The following LGI1 variants were observed in gnomAD, a reference collection of about 807,000 sequenced individuals.
LGI1 encodes leucine rich glioma inactivated 1.
A neutral mutation model predicts 57.7 loss-of-function variants in LGI1; 11 were observed. That is an observed-to-expected ratio of 0.19 (90% CI 0.12 to 0.32). The LOEUF is 0.32. LGI1 is among the 10% of genes least tolerant of loss of function. The pLI, the probability that LGI1 is intolerant of heterozygous loss-of-function variation, is 1.00. For missense variants in LGI1, 422 were observed against 661.9 expected (o/e 0.64, Z 3.98); for synonymous variants, 222 against 241.9 (o/e 0.92, Z 0.76).
At chr10:93,761,011 T>C (rs975952629) in intron 2 of LGI1, among the ~76,000 whole-genome samples, 5 of 152,204 alleles carry the variant, frequency 3.3e-5, no homozygotes, top group African/African-American at 1.2e-4. Context: ...CTGAAGACTC[T>C]GCTCTCCATC....
chr10:93,790,001 G>A, intron 4 of LGI1, 98 bp from the exon 5 acceptor site: 2 of 1,185,710 alleles, frequency 1.7e-6, no homozygotes, highest in Non-Finnish European at 2.4e-6. Context: ...TTAGTAGGCT[G>A]GAAATGACAA....
At chr10:93,784,301 A>C (rs948920707) in intron 4 of LGI1, among the ~76,000 whole-genome samples, 4 of 152,202 alleles carry the variant, frequency 2.6e-5, no homozygotes, top group African/African-American at 9.6e-5. Flanking sequence ...CTGACCCCTA[A>C]GTACGTGGCC....
chr10:93,758,025 A>AGCAGAGAT lies in LGI1; in HGVS notation c.-119_-112dup. 2.3e-6 allele frequency: 2 copies of AGCAGAGAT among 869,734 alleles called. No individual in the cohort carries two copies. The highest frequency in any genetic ancestry group is 3.8e-6 in the Non-Finnish European group (2 of 527,362). The allele number at this position is 869,734 out of a possible 1,614,324, so 53.9% of individuals were successfully genotyped here. On this transcript the variant is annotated 5_prime_UTR_variant, in exon 1 of 8. The change creates a new upstream start codon in the 5' untranslated region. Coordinates refer to ENST00000371418, the MANE Select transcript of LGI1 (RefSeq NM_005097.4). This position sits in a 1 kb window ranked among gnomAD's most constrained non-coding sequence, Gnocchi z 4.7. ...CAGCTGCAGGTCTCTGTTTTGAAAA[A>AGCAGAGAT]GCAGAGATACAGAGGCAGAGGAAAA... is the stretch of plus-strand genomic sequence containing the variant.
chr10:93,796,646 G>T (rs920633915), intron 7 of LGI1, among the ~76,000 whole-genome samples: 4 of 152,214 alleles, frequency 2.6e-5, no homozygotes, highest in South Asian at 4.1e-4. Flanking sequence ...TAACTCATTT[G>T]TGTCAGGGAA....
chr10:93,793,520 C>T (rs367701497), intron 7 of LGI1, among the ~76,000 whole-genome samples, 170 bp downstream of exon 7: 40 of 152,234 alleles, frequency 2.6e-4, no homozygotes, highest in Middle Eastern at 3.4e-3. Flanking sequence ...ACTTGTAAAA[C>T]GGGAATAATA....
Position 93,798,039 on chromosome 10 carries a change from G to A in LGI1, c.*236G>A. ...TAACTGTTCTTTGCAGTGAAGATGTGTAAATAAGCGTTTAATGGTATCTGT... is the reference window on the plus strand; with the variant it reads ...TAACTGTTCTTTGCAGTGAAGATGTATAAATAAGCGTTTAATGGTATCTGT... On this transcript the variant is annotated 3_prime_UTR_variant, in exon 8 of 8. Coordinates refer to ENST00000371418, the MANE Select transcript of LGI1 (RefSeq NM_005097.4). The A allele has an allele frequency of 1.8e-6, 1 of 560,820 alleles. No homozygotes were observed. Among genetic ancestry groups the A allele is most frequent in the Non-Finnish European group, 3.2e-6 (1 of 314,760 alleles). The allele number at this position is 560,820 out of a possible 1,614,324, so 34.7% of individuals were successfully genotyped here.
In LGI1 at chr10:93,790,083, T is replaced by TTA. The variant is rs2059923098; in HGVS notation, c.432-15_432-14insAT. ...TATCACTACAGTTTACATCACCTTT[T>TTA]TTTTTTTTTTTCCAGGAGCCTTGCA... On this transcript the variant is annotated splice_polypyrimidine_tract_variant and intron_variant, in intron 4 of 7. Coordinates refer to ENST00000371418, the MANE Select transcript of LGI1 (RefSeq NM_005097.4). 6.3e-7 allele frequency: 1 copy of TTA among 1,591,278 alleles called. No individual in the cohort carries two copies. The highest frequency in any genetic ancestry group is 1.7e-5 in the Admixed American group (1 of 58,912).
At chr10:93,774,246 C>T (rs1429875661) in intron 2 of LGI1, among the ~76,000 whole-genome samples, 1 of 152,014 alleles carries the variant, frequency 6.6e-6, no homozygotes, top group East Asian at 1.9e-4. Context: ...TTTTAGTAAC[C>T]CAGGTGACAC....
intron 2 of LGI1, chr10:93,768,484 A>C (rs927977956): frequency 1.5e-4 from 23 of 152,230 alleles, no homozygotes; most frequent in African/African-American, 5.5e-4. Flanking sequence ...CCTGGCATGG[A>C]GTAGACCCTT....
intron 5 of LGI1, 65 bp downstream of exon 5, chr10:93,790,235 TATTG>T: frequency 1.5e-6 from 2 of 1,291,120 alleles, no homozygotes; most frequent in Non-Finnish European, 2.2e-6. Flanking sequence ...GGAAGCCTGG[TATTG>T]ATTATTATAA....
intron 2 of LGI1, among the ~76,000 whole-genome samples, chr10:93,761,698 GA>G (rs2059625276): frequency 1.3e-5 from 2 of 152,286 alleles, no homozygotes; most frequent in East Asian, 3.9e-4. Flanking sequence ...ATTCCGTAGA[GA>G]AGAGAGAGAA....
intron 2 of LGI1, among the ~76,000 whole-genome samples, chr10:93,774,067 G>C (rs1479457669): frequency 6.6e-6 from 1 of 152,052 alleles, no homozygotes; most frequent in Admixed American, 6.6e-5. Context: ...GTAGTTATAG[G>C]GACAAGAAAG....
rs554671176 is a variant in LGI1, at chr10:93,759,728, G to A, written c.287+897G>A. Among the ~76,000 whole-genome samples the A allele has an allele frequency of 1.1e-4, 16 of 152,294 alleles. No individual in the cohort carries two copies. The East Asian group carries it at 3.1e-3, about 29-fold the overall frequency. On this transcript the variant is annotated intron_variant, in intron 2 of 7. Transcript: ENST00000371418. ...TCTTAACTGCATGATTCAGGACCCA[G>A]GCCTTTCACTTGTTTGTTTTTTATT...
At chr10:93,767,524 A>G (rs1337426262) in intron 2 of LGI1, 1 of 152,236 alleles carries the variant, frequency 6.6e-6, no homozygotes, top group African/African-American at 2.4e-5. Flanking sequence ...CTTTGGAAAT[A>G]TATGCATGTG....
chr10:93,791,970 A>G (rs2059941028), intron 5 of LGI1: 1 of 152,240 alleles, frequency 6.6e-6, no homozygotes, highest in Non-Finnish European at 1.5e-5. Flanking sequence ...TCTGTCCTTT[A>G]GACCTGTGCT....
chr10:93,762,315 A>C (rs2059632814), intron 2 of LGI1: 1 of 152,188 alleles, frequency 6.6e-6, no homozygotes, highest in Non-Finnish European at 1.5e-5. Flanking sequence ...TTAATCCACA[A>C]TCAACACATA....
chr10:93,793,240 C>A lies in LGI1; in HGVS notation c.728C>A (p.Ser243Tyr). ...PYQSLSIDTF[S>Y]YLNDEYVVIA... ...CAATCATTGTCCATAGACACTTTTT[C>A]TTATTTGAATGATGAGTATGTAGTC... The change falls in exon 7 of 8, where the codon TCT (serine) becomes TAT (tyrosine). Residue 243 changes from serine (S) to tyrosine (Y), a missense_variant. Ser to Tyr is a moderately radical substitution (Grantham distance 144). Around this residue, in one of 3 missense-constraint regions of LGI1, gnomAD observed 301 missense variants for 461.7 expected, o/e 0.65. Transcript: ENST00000371418. 6.2e-7 allele frequency: 1 copy of A among 1,613,028 alleles called. No homozygotes were observed. The highest frequency in any genetic ancestry group is 2.2e-5 in the East Asian group (1 of 44,846).
At chr10:93,794,661 G>A (rs977913439) in intron 7 of LGI1, 2 of 152,088 alleles carry the variant, frequency 1.3e-5, no homozygotes, top group East Asian at 1.9e-4. Flanking sequence ...CACCTTGCCT[G>A]GGCTTACTTA....
At chr10:93,795,303 G>A (rs765120537) in intron 7 of LGI1, among the ~76,000 whole-genome samples, 6 of 152,162 alleles carry the variant, frequency 3.9e-5, no homozygotes, top group Non-Finnish European at 7.3e-5. Flanking sequence ...TAGTTCTGGA[G>A]GCTGGGAACT....
Sources: gnomAD v4.1 joint callset for allele counts (sites outside exome capture counted in the v4.1 genomes callset) on GRCh38, gnomAD v4.1.1 for gene constraint, gnomAD v4.1.1 regional missense constraint, Gnocchi (gnomAD v3.1) non-coding constraint, MANE v1.5 for transcripts, NCBI Gene and HGNC (gene_info 2026-07-23, HGNC 2026-07-21) for gene names.